PPIG: variants seen among roughly 807,000 people sequenced by gnomAD.
The protein encoded by PPIG is peptidyl-prolyl cis-trans isomerase G.
In PPIG, 26 loss-of-function variants were observed where a neutral mutation model predicts 87.9. The observed-to-expected ratio is 0.30, with a 90% CI of 0.22 to 0.41. The LOEUF is 0.41. Ranked by LOEUF, PPIG falls within the 10% of genes least tolerant of loss-of-function variation. The pLI, the probability that PPIG is intolerant of heterozygous loss-of-function variation, is 1.00. For synonymous variants in PPIG, 308 were observed against 276.5 expected (o/e 1.11, Z -1.13); for missense variants, 722 against 879.4 (o/e 0.82, Z 2.26).
intron 12 of PPIG, 195 bp downstream of exon 12, chr2:169,633,442 T>C (rs538608612): frequency 4.9e-6 from 3 of 607,466 alleles, no homozygotes; most frequent in East Asian, 2.9e-5. Flanking sequence ...CCATGAGATA[T>C]GAATAGATTT....
chr2:169,614,654 A>G lies in PPIG; in HGVS notation c.477A>G (p.Thr159=), dbSNP rs1407578327. ...EVVREIENQK[T]DAASKPFAEV... ...TAAGAGAGATTGAAAACCAGAAAAC[A>G]GATGCAGCTAGCAAACCGTTTGCGG... Residue 159 remains threonine (T), a synonymous_variant, in exon 9 of 14, where the codon ACA becomes ACG. Coordinates refer to ENST00000260970, the MANE Select transcript of PPIG (RefSeq NM_004792.3). 6.2e-7 allele frequency: 1 copy of G among 1,613,052 alleles called. No individual in the cohort carries two copies. The highest frequency in any genetic ancestry group is 2.2e-5 in the East Asian group (1 of 44,838).
Position 169,636,532 on chromosome 2 carries a change from A to C in PPIG, c.1274A>C (p.Lys425Thr), listed in dbSNP as rs920261843. ...SPNRKNEKEKKVKDHKSNSKE... is the reference protein window; with the variant it reads ...SPNRKNEKEKTVKDHKSNSKE... ...AACAGAAAAAATGAAAAGGAGAAGA[A>C]AGTTAAAGACCATAAATCTAACAGC... Residue 425 changes from lysine to threonine, a missense_variant, in exon 14 of 14, where the codon AAA (lysine) becomes ACA (threonine). By Grantham distance (78) the Lys-to-Thr change is moderately conservative (BLOSUM62 -1). Coordinates refer to ENST00000260970, the MANE Select transcript of PPIG (RefSeq NM_004792.3). 43 of 1,610,044 alleles carry C rather than the reference A, an allele frequency of 2.7e-5. No individual in the cohort carries two copies. The highest frequency in any genetic ancestry group is 3.6e-5 in the Non-Finnish European group (42 of 1,178,920).
At chr2:169,634,754 T>A (rs533628622) in intron 12 of PPIG, among the ~76,000 whole-genome samples, 121 of 152,288 alleles carry the variant, frequency 7.9e-4, no homozygotes, top group South Asian at 4.3e-3. Context: ...CTCCTAAATA[T>A]TCAGAAATTC....
intron 1 of PPIG, among the ~76,000 whole-genome samples, chr2:169,588,569 T>A (rs1684769641): frequency 6.6e-6 from 1 of 152,182 alleles, no homozygotes; most frequent in Admixed American, 6.5e-5. Flanking sequence ...GATTGAATAA[T>A]GGGGTTAGAA....
At chr2:169,609,295 A>T (rs1685423892) in intron 7 of PPIG, among the ~76,000 whole-genome samples, 1 of 151,670 alleles carries the variant, frequency 6.6e-6, no homozygotes, top group Non-Finnish European at 1.5e-5. Flanking sequence ...CACAGCCTCG[A>T]CCTCCCTGGC....
chr2:169,608,633 A>C, intron 6 of PPIG, 38 bp from the exon 7 acceptor site: 1 of 1,415,542 alleles, frequency 7.1e-7, no homozygotes, highest in African/African-American at 1.4e-5. Context: ...TTTGGAGGTT[A>C]TATCTATAAT....
At chr2:169,626,151 A>G (rs1045748765) in intron 9 of PPIG, among the ~76,000 whole-genome samples, 5 of 152,348 alleles carry the variant, frequency 3.3e-5, no homozygotes, top group Middle Eastern at 3.4e-3. Context: ...TACAGTTTCA[A>G]TCATATTCTC....
At position 169,638,308 on chromosome 2, in the gene PPIG, C is replaced by T. The variant is rs913556214; in HGVS notation, c.*785C>T. ...CTTTTGGTTTGAAGAGTTTTGGGAA[C>T]GTTTTAATTATTAATTACCCTTCTC... On this transcript the variant is annotated 3_prime_UTR_variant, in exon 14 of 14. Coordinates refer to ENST00000260970, the MANE Select transcript of PPIG (RefSeq NM_004792.3). 3.3e-5 allele frequency: 5 copies of T among 149,922 alleles called. No individual in the cohort carries two copies. The highest frequency in any genetic ancestry group is 2.0e-4 in the Admixed American group (3 of 15,018). 9.3% of individuals were successfully genotyped at this position (149,922 alleles called of 1,614,324 possible).
chr2:169,585,845 AGT>A (rs142446175), intron 1 of PPIG, among the ~76,000 whole-genome samples: 13 of 151,524 alleles, frequency 8.6e-5, no homozygotes, highest in East Asian at 1.9e-4. Context: ...AAAAAGAGTG[AGT>A]GTGTGTGTGT....
intron 10 of PPIG, chr2:169,631,489 A>G: frequency 2.3e-6 from 2 of 857,766 alleles, no homozygotes; most frequent in African/African-American, 1.8e-5. Flanking sequence ...TAAATTTATC[A>G]GAGTGCATTG....
chr2:169,632,480 G>T (rs941344969), intron 11 of PPIG, among the ~76,000 whole-genome samples: 3 of 151,822 alleles, frequency 2.0e-5, no homozygotes. Flanking sequence ...AGTGGCTCAC[G>T]CCTGTAATCC....
chr2:169,598,500 C>A (rs1685084469), intron 1 of PPIG, among the ~76,000 whole-genome samples: 1 of 152,026 alleles, frequency 6.6e-6, no homozygotes, highest in South Asian at 2.1e-4. Flanking sequence ...ACCGTGTTAG[C>A]CAGGATGGTC....
intron 9 of PPIG, among the ~76,000 whole-genome samples, chr2:169,625,373 C>T (rs1340637429): frequency 1.3e-5 from 2 of 152,044 alleles, no homozygotes; most frequent in Non-Finnish European, 2.9e-5. Context: ...AATGAATTTC[C>T]TAGAAATGGA....
At chr2:169,626,323 T>G (rs1160067801) in intron 9 of PPIG, among the ~76,000 whole-genome samples, 1 of 152,178 alleles carries the variant, frequency 6.6e-6, no homozygotes, top group Non-Finnish European at 1.5e-5. Flanking sequence ...TTTCTCTCAT[T>G]TTTTTTCTGA....
intron 9 of PPIG, among the ~76,000 whole-genome samples, chr2:169,622,303 A>G (rs6741784): frequency 0.6 from 90,696 of 152,168 alleles, 27,676 homozygotes; most frequent in African/African-American, 0.73. Context: ...ATAAACAGTA[A>G]TCATAGACTC....
At chr2:169,585,973 A>G (rs1394634878) in intron 1 of PPIG, among the ~76,000 whole-genome samples, 4 of 152,042 alleles carry the variant, frequency 2.6e-5, no homozygotes, top group Non-Finnish European at 5.9e-5. Flanking sequence ...AAATTTTGAA[A>G]TCGTGCTATA....
intron 1 of PPIG, 99 bp from the exon 2 acceptor site, chr2:169,603,543 A>ATGTAATAT (rs1252724102): frequency 3.3e-5 from 5 of 150,744 alleles, no homozygotes; most frequent in African/African-American, 1.2e-4. Flanking sequence ...ACAATAGTTA[A>ATGTAATAT]ATAGTATATT....
At chr2:169,634,131 G>A (rs1686126985) in intron 12 of PPIG, among the ~76,000 whole-genome samples, 1 of 152,032 alleles carries the variant, frequency 6.6e-6, no homozygotes, top group Non-Finnish European at 1.5e-5. Context: ...TACAATCAAG[G>A]ATCACTGCAG....
At chr2:169,615,651 G>A (rs1685591994) in intron 9 of PPIG, among the ~76,000 whole-genome samples, 1 of 152,116 alleles carries the variant, frequency 6.6e-6, no homozygotes, top group African/African-American at 2.4e-5. Flanking sequence ...AGGCTGAATA[G>A]TATTCCATTG....
Sources: gnomAD v4.1 joint callset for allele counts (sites outside exome capture counted in the v4.1 genomes callset) on GRCh38, gnomAD v4.1.1 for gene constraint, MANE v1.5 for transcripts, NCBI Gene and HGNC (gene_info 2026-07-23, HGNC 2026-07-21) for gene names.